Variants in NKAIN3 observed in about 807,000 individuals in gnomAD.
NKAIN3 encodes sodium/potassium-transporting ATPase subunit beta-1-interacting protein 3.
NKAIN3 carries 25 observed loss-of-function variants against 30.2 expected under a neutral mutation model. That is an observed-to-expected ratio of 0.83 (90% confidence interval 0.60 to 1.16). The LOEUF is 1.16. NKAIN3 is among the 50% of genes most tolerant of loss of function. NKAIN3 has a pLI of 0.00. For synonymous variants in NKAIN3, 91 were observed against 89.6 expected, an observed-to-expected ratio of 1.02 and a Z score of -0.09; for missense variants, 225 against 254.1, an observed-to-expected ratio of 0.89 and a Z score of 0.78.
At chr8:62,292,948 T>A (rs1469155997) in intron 1 of NKAIN3, among the ~76,000 whole-genome samples, 6 of 152,174 alleles carry the variant, frequency 3.9e-5, no homozygotes, top group African/African-American at 9.7e-5. Context: ...TCTTTTTTTT[T>A]AAACTTGTCT....
At chr8:62,639,037 T>C (rs993602856) in intron 3 of NKAIN3, among the ~76,000 whole-genome samples, 2 of 152,118 alleles carry the variant, frequency 1.3e-5, no homozygotes, top group African/African-American at 4.8e-5. Flanking sequence ...TCTTCTTACA[T>C]CTCAAAATTA....
At chr8:62,514,984 T>G (rs1807939336) in intron 1 of NKAIN3, among the ~76,000 whole-genome samples, 1 of 152,132 alleles carries the variant, frequency 6.6e-6, no homozygotes, top group Non-Finnish European at 1.5e-5. Flanking sequence ...TCATAATCCT[T>G]AGTTTGGGAA....
intron 3 of NKAIN3, among the ~76,000 whole-genome samples, chr8:62,592,403 C>T (rs1310090435): frequency 1.3e-5 from 2 of 152,014 alleles, no homozygotes; most frequent in African/African-American, 4.8e-5. Context: ...TAAGCAAAAG[C>T]TGTTTAGGAT....
chr8:62,509,272 C>T (rs887959500), intron 1 of NKAIN3, among the ~76,000 whole-genome samples: 15 of 152,046 alleles, frequency 9.9e-5, no homozygotes, highest in Non-Finnish European at 2.2e-4. Flanking sequence ...TTATCCCTCA[C>T]CTCACCCTAT....
chr8:62,856,580 A>G, intron 4 of NKAIN3: 1 of 784,670 alleles, frequency 1.3e-6, no homozygotes, highest in Admixed American at 1.7e-5. Flanking sequence ...GGTTGTCTTC[A>G]TTGGTGAACA....
chr8:62,484,843 G>A (rs913604468), intron 1 of NKAIN3, among the ~76,000 whole-genome samples: 1 of 152,104 alleles, frequency 6.6e-6, no homozygotes, highest in Admixed American at 6.6e-5. Flanking sequence ...AGCAAGCCAG[G>A]AACAGACCTT....
intron 1 of NKAIN3, among the ~76,000 whole-genome samples, chr8:62,264,542 C>G (rs753301579): frequency 2.6e-5 from 4 of 152,122 alleles, no homozygotes; most frequent in African/African-American, 4.8e-5. Flanking sequence ...CTTAGTGGTT[C>G]CCAAGTCTTG....
In NKAIN3 at chr8:62,777,482, G is replaced by C. The variant is rs1260729506; in HGVS notation, c.471+30353G>C. 5.3e-5 allele frequency among the ~76,000 whole-genome samples: 8 copies of C among 152,138 alleles called. No individual in the cohort carries two copies. In the East Asian group the frequency reaches 7.7e-4, roughly 15 times the overall value. Reference sequence around the variant, plus strand: ...TGCTTTATCAATTCTGCAAGTAAGAGAGTCTGATGCATTCATCCATATGCC... The same window carrying C: ...TGCTTTATCAATTCTGCAAGTAAGACAGTCTGATGCATTCATCCATATGCC... On this transcript the variant is annotated intron_variant, in intron 4 of 6. Coordinates refer to ENST00000623646, the MANE Select transcript of NKAIN3 (RefSeq NM_001304533.3).
chr8:62,909,610 A>G (rs1039438862), intron 4 of NKAIN3, among the ~76,000 whole-genome samples: 1 of 152,182 alleles, frequency 6.6e-6, no homozygotes, highest in African/African-American at 2.4e-5. Context: ...ACAGTCAGCC[A>G]TCTACAAATT....
intron 3 of NKAIN3, among the ~76,000 whole-genome samples, chr8:62,645,927 A>T (rs1162126882): frequency 6.6e-6 from 1 of 152,162 alleles, no homozygotes; most frequent in Non-Finnish European, 1.5e-5. Context: ...GTACCCATTC[A>T]TATGAAATTA....
chr8:62,476,931 G>A (rs1477259940), intron 1 of NKAIN3, among the ~76,000 whole-genome samples: 1 of 152,132 alleles, frequency 6.6e-6, no homozygotes, highest in African/African-American at 2.4e-5. Flanking sequence ...CCAAGACAGG[G>A]GAAATGAAAG....
intron 1 of NKAIN3, among the ~76,000 whole-genome samples, chr8:62,419,119 T>C (rs993082089): frequency 2.0e-5 from 3 of 152,154 alleles, no homozygotes; most frequent in Admixed American, 6.5e-5. Context: ...GACTATATAC[T>C]GGCCATTGAT....
chr8:62,655,717 T>C (rs1356564932), intron 3 of NKAIN3, among the ~76,000 whole-genome samples: 1 of 152,038 alleles, frequency 6.6e-6, no homozygotes, highest in Non-Finnish European at 1.5e-5. Context: ...ATTTTGGGCA[T>C]CCAGTGGGCG....
intron 5 of NKAIN3, among the ~76,000 whole-genome samples, chr8:62,934,181 T>C (rs1822710362): frequency 6.6e-6 from 1 of 152,044 alleles, no homozygotes. Context: ...GGCCAGAAGC[T>C]TGAGACCAGT....
intron 1 of NKAIN3, among the ~76,000 whole-genome samples, chr8:62,273,375 C>A (rs956576573): frequency 6.6e-6 from 1 of 152,082 alleles, no homozygotes; most frequent in Non-Finnish European, 1.5e-5. Context: ...ATTAATAGTT[C>A]TTCTCCATTC....
chr8:62,362,426 G>A (rs1197269908), intron 1 of NKAIN3, among the ~76,000 whole-genome samples: 2 of 152,158 alleles, frequency 1.3e-5, no homozygotes, highest in Non-Finnish European at 2.9e-5. Flanking sequence ...AAATGAATAA[G>A]AAACACTTGG....
intron 4 of NKAIN3, among the ~76,000 whole-genome samples, chr8:62,800,558 G>A (rs147272370): frequency 3.3e-5 from 5 of 152,182 alleles, no homozygotes; most frequent in Middle Eastern, 3.4e-3. Flanking sequence ...CACCTTCCAG[G>A]GATTTTCTCT....
At chr8:62,633,311 G>A (rs749490834) in intron 3 of NKAIN3, among the ~76,000 whole-genome samples, 8 of 152,162 alleles carry the variant, frequency 5.3e-5, no homozygotes, top group Admixed American at 2.0e-4. Flanking sequence ...TGTCTTTTGC[G>A]TTGTTATTGA....
intron 4 of NKAIN3, among the ~76,000 whole-genome samples, chr8:62,883,457 G>GTTGTTGTTGTTTTTTTTTTTTTT: frequency 2.8e-5 from 2 of 70,232 alleles, no homozygotes; most frequent in African/African-American, 7.0e-5. Flanking sequence ...AGTTTTATGG[G>GTTGTTGTTGTTTTTTTTTTTTTT]TTTTTTTTTT....
Sources: gnomAD v4.1 joint callset for allele counts (sites outside exome capture counted in the v4.1 genomes callset) on GRCh38, gnomAD v4.1.1 for gene constraint, MANE v1.5 for transcripts, NCBI Gene and HGNC (gene_info 2026-07-23, HGNC 2026-07-21) for gene names.